ODAPH: variants seen among roughly 807,000 people sequenced by gnomAD.
The protein encoded by ODAPH is odontogenesis associated phosphoprotein.
In ODAPH, 2 loss-of-function variants were observed where a neutral mutation model predicts 2.8. The ratio of observed to expected loss-of-function variants is 0.72; its 90% CI spans 0.30 to 2.28. ODAPH has a LOEUF of 2.28. ODAPH is among the 30% of genes most tolerant of loss of function. The pLI is 0.13. For missense variants in ODAPH, 159 were observed against 163.3 expected (o/e 0.97, Z 0.14); for synonymous variants, 75 against 60.3 (o/e 1.24, Z -1.13).
At position 75,558,983 on chromosome 4, in the gene ODAPH, A is replaced by G. The variant is rs144455287; in HGVS notation, c.67+2834A>G. On this transcript the variant is annotated intron_variant, in intron 1 of 1. Transcript: ENST00000311623. ...AGTGCTGGGATTATAAGTGTAAGCC[A>G]CCACGCCCAGCCAATTTTTAATATA... Among the ~76,000 whole-genome samples, 422 of 152,340 alleles carry G rather than the reference A, an allele frequency of 2.8e-3. 2 individuals are homozygous for G. Among genetic ancestry groups the G allele is most frequent in the African/African-American group, 9.8e-3 (406 of 41,574 alleles).
At chr4:75,558,983 AC>A (rs1560559781) in intron 1 of ODAPH, among the ~76,000 whole-genome samples, 1 of 152,224 alleles carries the variant, frequency 6.6e-6, no homozygotes, top group Non-Finnish European at 1.5e-5. Flanking sequence ...AGTGTAAGCC[AC>A]CACGCCCAGC....
In ODAPH at chr4:75,556,474, G is replaced by A. The variant is rs1016163834; in HGVS notation, c.67+325G>A. The A allele has an allele frequency of 1.4e-5, 19 of 1,379,480 alleles. No homozygotes were observed. In the East Asian group the frequency reaches 4.7e-4, roughly 34 times the overall value. 85.5% of individuals were successfully genotyped at this position (1,379,480 alleles called of 1,614,324 possible). On this transcript the variant is annotated intron_variant, in intron 1 of 1. Coordinates refer to ENST00000311623, the MANE Select transcript of ODAPH (RefSeq NM_178497.5). ...CTATCATCTGTGAAAAACTCTTCAA[G>A]CTAAAAACACTGTACAAATACTAGT...
chr4:75,562,229 T>C (rs1349265176), intron 1 of ODAPH, among the ~76,000 whole-genome samples: 1 of 151,924 alleles, frequency 6.6e-6, no homozygotes, highest in Non-Finnish European at 1.5e-5. Flanking sequence ...CATAGGCAAG[T>C]AACAAGCGTA....
intron 1 of ODAPH, 72 bp from the exon 2 acceptor site, chr4:75,564,042 G>A: frequency 1.5e-6 from 2 of 1,351,166 alleles, no homozygotes; most frequent in Admixed American, 1.7e-5. Flanking sequence ...TTTCTCCTCT[G>A]CCACCACTCT....
At chr4:75,565,662 T>G (rs529386120), downstream of ODAPH, 1 of 152,158 alleles carries the variant, frequency 6.6e-6, no homozygotes, top group Non-Finnish European at 1.5e-5. Context: ...GCCTGTAACA[T>G]AAGAACTTTA....
At chr4:75,560,552 G>GC (rs371021484) in intron 1 of ODAPH, among the ~76,000 whole-genome samples, 11 of 152,312 alleles carry the variant, frequency 7.2e-5, no homozygotes, top group African/African-American at 1.9e-4. Context: ...TAGCTAACTA[G>GC]CGACCCGATA....
intron 1 of ODAPH, 68 bp from the exon 2 acceptor site, chr4:75,564,045 AC>A: frequency 7.3e-7 from 1 of 1,374,002 alleles, no homozygotes. Flanking sequence ...CTCCTCTGCC[AC>A]CACTCTAAAC....
chr4:75,559,157 C>A (rs766148436), intron 1 of ODAPH, among the ~76,000 whole-genome samples: 1 of 152,194 alleles, frequency 6.6e-6, no homozygotes, highest in Non-Finnish European at 1.5e-5. Flanking sequence ...ATTCTAGGTG[C>A]TGGAGACACC....
intron 1 of ODAPH, among the ~76,000 whole-genome samples, chr4:75,558,509 T>TTA (rs1727433812): frequency 7.4e-6 from 1 of 135,894 alleles, no homozygotes. Context: ...GTATAGGTAA[T>TTA]TATAAAAAAA....
chr4:75,558,041 G>A (rs116819291), intron 1 of ODAPH, among the ~76,000 whole-genome samples: 170 of 152,292 alleles, frequency 1.1e-3, no homozygotes, highest in African/African-American at 3.7e-3. Flanking sequence ...CCTACGGCAC[G>A]TATGGCATCT....
At chr4:75,558,062 G>A (rs990758332) in intron 1 of ODAPH, among the ~76,000 whole-genome samples, 1 of 152,206 alleles carries the variant, frequency 6.6e-6, no homozygotes, top group African/African-American at 2.4e-5. Context: ...GCTCTCTGCT[G>A]CAGATCCCTG....
intron 1 of ODAPH, 24 bp from the exon 2 acceptor site, chr4:75,564,090 T>C (rs1445214329): frequency 6.2e-7 from 1 of 1,613,094 alleles, no homozygotes; most frequent in South Asian, 1.1e-5. Context: ...ACCTGTTTCC[T>C]GACTTGCGTT....
At chr4:75,556,292 G>A (rs751650957) in intron 1 of ODAPH, 143 bp downstream of exon 1, 4 of 910,982 alleles carry the variant, frequency 4.4e-6, no homozygotes, top group Non-Finnish European at 6.8e-6. Flanking sequence ...TAAAGAGAAG[G>A]AAGTTGGATT....
chr4:75,557,237 C>T (rs1727371995), intron 1 of ODAPH, among the ~76,000 whole-genome samples: 1 of 152,216 alleles, frequency 6.6e-6, no homozygotes, highest in Non-Finnish European at 1.5e-5. Flanking sequence ...CAAAACTAGC[C>T]ACCTGCCACT....
intron 1 of ODAPH, among the ~76,000 whole-genome samples, chr4:75,556,851 A>G (rs1359856825): frequency 6.6e-6 from 1 of 152,214 alleles, no homozygotes; most frequent in Non-Finnish European, 1.5e-5. Context: ...GGGAGCCTAG[A>G]TCTAACCTTT....
At chr4:75,556,556 A>T (rs1246146565) in intron 1 of ODAPH, 2 of 1,535,066 alleles carry the variant, frequency 1.3e-6, no homozygotes, top group Non-Finnish European at 1.7e-6. Context: ...TCCACTTTCT[A>T]TCTCCAGCAG....
chr4:75,556,858 C>G (rs181122492), intron 1 of ODAPH, among the ~76,000 whole-genome samples: 4 of 152,108 alleles, frequency 2.6e-5, no homozygotes, highest in Non-Finnish European at 2.9e-5. Flanking sequence ...TAGATCTAAC[C>G]TTTTCTTCAG....
At chr4:75,557,126 G>T (rs1727366761) in intron 1 of ODAPH, among the ~76,000 whole-genome samples, 1 of 152,026 alleles carries the variant, frequency 6.6e-6, no homozygotes. Context: ...GGCAATCAGG[G>T]GACAGGGCAT....
Position 75,564,343 on chromosome 4 carries a change from T to C in ODAPH, c.297T>C (p.Phe99=), listed in dbSNP as rs1209776665. The C allele has an allele frequency of 5.0e-6, 8 of 1,614,162 alleles. No homozygotes were observed. The highest frequency in any genetic ancestry group is 6.8e-6 in the Non-Finnish European group (8 of 1,180,034). The change falls in exon 2 of 2, where the codon TTT becomes TTC. Residue 99 remains phenylalanine, a synonymous_variant. Transcript: ENST00000311623. The stretch of plus-strand genomic sequence containing the variant: ...TCCCTTCAAGGTGTAACCACCGTTT[T>C]CCATTCCAGCCATTTTATTGGCCAC... ...PFVPSRCNHR[F]PFQPFYWPHR...
Sources: gnomAD v4.1 joint callset for allele counts (sites outside exome capture counted in the v4.1 genomes callset) on GRCh38, gnomAD v4.1.1 for gene constraint, MANE v1.5 for transcripts, NCBI Gene and HGNC (gene_info 2026-07-23, HGNC 2026-07-21) for gene names.